The following MTUS2 variants were observed in gnomAD, a reference collection of about 807,000 sequenced individuals.
MTUS2 encodes microtubule associated scaffold protein 2.
A neutral mutation model predicts 114.1 loss-of-function variants in MTUS2; 40 were observed. The ratio of observed to expected loss-of-function variants is 0.35; its 90% confidence interval spans 0.27 to 0.46. The LOEUF (loss-of-function observed/expected upper bound fraction) is 0.46, where lower values mean the gene tolerates loss of function less well. Among genes scored for constraint, MTUS2 ranks in the 20% least tolerant of loss-of-function variants. The pLI, the probability that MTUS2 is intolerant of heterozygous loss-of-function variation, is 1.00. For missense variants in MTUS2, 1,679 were observed against 1,705.4 expected, an observed-to-expected ratio of 0.98 and a Z score of 0.27; for synonymous variants, 688 against 672.0, an observed-to-expected ratio of 1.02 and a Z score of -0.37.
chr13:29,165,282 C>A (rs1271278592), intron 5 of MTUS2, among the ~76,000 whole-genome samples: 1 of 152,200 alleles, frequency 6.6e-6, no homozygotes, highest in East Asian at 1.9e-4. Context: ...CTAAAGCAAC[C>A]CATCTTCAAG....
intron 4 of MTUS2, among the ~76,000 whole-genome samples, chr13:29,084,784 C>CCT (rs1555234175): frequency 9.1e-6 from 1 of 110,346 alleles, no homozygotes; most frequent in Non-Finnish European, 1.9e-5. Context: ...GTGATCCACC[C>CCT]CCCCCCCTCA....
rs1257171889 is a variant in MTUS2, at chr13:29,026,052, G to A, written c.1354G>A (p.Val452Ile). 1 of 1,614,024 alleles carries A rather than the reference G, an allele frequency of 6.2e-7. No individual in the cohort carries two copies. The change falls in exon 3 of 16, where the codon GTC (valine) becomes ATC (isoleucine). Residue 452 changes from valine to isoleucine, a missense_variant. Physicochemically the swap from Val to Ile is conservative, Grantham distance 29. Transcript: ENST00000612955. ...NNLTDSKPLDVIEEERRLGSG... is the reference protein window; with the variant it reads ...NNLTDSKPLDIIEEERRLGSG... ...TCTGACTGACAGCAAGCCCTTGGATGTCATTGAGGAGGAAAGGCGGTTGGG... is the reference window on the plus strand; with the variant it reads ...TCTGACTGACAGCAAGCCCTTGGATATCATTGAGGAGGAAAGGCGGTTGGG...
At chr13:28,829,833 A>G (rs762829262) in intron 1 of MTUS2, among the ~76,000 whole-genome samples, 3 of 152,244 alleles carry the variant, frequency 2.0e-5, no homozygotes, top group Non-Finnish European at 4.4e-5. Flanking sequence ...TGGGGGCTTT[A>G]AAAACCTTTG....
At chr13:28,939,167 T>G (rs1347307576) in intron 2 of MTUS2, among the ~76,000 whole-genome samples, 1 of 152,218 alleles carries the variant, frequency 6.6e-6, no homozygotes, top group Admixed American at 6.5e-5. Context: ...TTAAGCTCAG[T>G]TTTCTCTTTT....
At chr13:28,915,641 GATT>G (rs1880703874) in intron 2 of MTUS2, among the ~76,000 whole-genome samples, 1 of 151,846 alleles carries the variant, frequency 6.6e-6, no homozygotes, top group Admixed American at 6.6e-5. Context: ...TTTAAAATCA[GATT>G]ATTAGATTTT....
intron 2 of MTUS2, among the ~76,000 whole-genome samples, chr13:28,863,716 G>A (rs1212845083): frequency 6.6e-6 from 1 of 152,054 alleles, no homozygotes; most frequent in Non-Finnish European, 1.5e-5. Context: ...AATGTTTTTA[G>A]AGATAGGATC....
At chr13:29,441,408 G>T (rs1877857651) in intron 9 of MTUS2, among the ~76,000 whole-genome samples, 1 of 152,182 alleles carries the variant, frequency 6.6e-6, no homozygotes, top group Admixed American at 6.5e-5. Context: ...TGCCATTGTT[G>T]TTGTTTTTAT....
At chr13:28,998,331 C>G (rs1268047585) in intron 2 of MTUS2, among the ~76,000 whole-genome samples, 1 of 152,166 alleles carries the variant, frequency 6.6e-6, no homozygotes, top group Non-Finnish European at 1.5e-5. Context: ...ACATTTGTTC[C>G]TTCTTTTCAA....
At chr13:29,345,944 A>G (rs1428335988) in intron 7 of MTUS2, among the ~76,000 whole-genome samples, 2 of 151,954 alleles carry the variant, frequency 1.3e-5, no homozygotes, top group East Asian at 2.0e-4. Context: ...CTAGCCACCT[A>G]GCTGAGCTAC....
At chr13:29,296,373 TA>T (rs1034879498) in intron 6 of MTUS2, among the ~76,000 whole-genome samples, 11 of 151,946 alleles carry the variant, frequency 7.2e-5, no homozygotes, top group African/African-American at 1.4e-4. Flanking sequence ...CTTGGCCAAT[TA>T]AAAAAAATTT....
At chr13:29,052,966 TTC>T (rs1333056594) in intron 4 of MTUS2, among the ~76,000 whole-genome samples, 15 of 152,210 alleles carry the variant, frequency 9.9e-5, no homozygotes, top group Non-Finnish European at 1.6e-4. Context: ...TGGGCACTCA[TTC>T]TCTCTCCTGC....
At chr13:29,335,638 T>G (rs1901022599) in intron 7 of MTUS2, among the ~76,000 whole-genome samples, 1 of 152,166 alleles carries the variant, frequency 6.6e-6, no homozygotes, top group Non-Finnish European at 1.5e-5. Flanking sequence ...TTTCTCTTTT[T>G]GTACTCTTTC....
intron 4 of MTUS2, among the ~76,000 whole-genome samples, chr13:29,058,667 C>T (rs576241885): frequency 6.7e-5 from 10 of 148,758 alleles, no homozygotes; most frequent in African/African-American, 2.0e-4. Context: ...CACCCAGTAA[C>T]TCGTCATTTA....
At chr13:29,487,231 G>A (rs1034456158) in intron 10 of MTUS2, among the ~76,000 whole-genome samples, 4 of 152,166 alleles carry the variant, frequency 2.6e-5, no homozygotes, top group South Asian at 2.1e-4. Context: ...GAATCCTAAG[G>A]TGTTCGTTGC....
At chr13:29,226,289 T>C (rs1896104774) in intron 5 of MTUS2, among the ~76,000 whole-genome samples, 1 of 152,248 alleles carries the variant, frequency 6.6e-6, no homozygotes, top group Non-Finnish European at 1.5e-5. Context: ...CCAAATAATA[T>C]TTGACATGTA....
chr13:28,876,495 G>A (rs1391604944), intron 2 of MTUS2, among the ~76,000 whole-genome samples: 1 of 152,178 alleles, frequency 6.6e-6, no homozygotes, highest in African/African-American at 2.4e-5. Flanking sequence ...CCTAAAGATG[G>A]CTGCAGCAGT....
intron 10 of MTUS2, chr13:29,483,957 A>G (rs1441493257): frequency 6.6e-6 from 1 of 152,136 alleles, no homozygotes; most frequent in Non-Finnish European, 1.5e-5. Context: ...ATAGGCAGCC[A>G]CAGAGCCTGG....
At chr13:29,083,191 G>A (rs368778839) in intron 4 of MTUS2, among the ~76,000 whole-genome samples, 62 of 152,280 alleles carry the variant, frequency 4.1e-4, no homozygotes, top group South Asian at 1.9e-3. Context: ...GTGGCAAGAC[G>A]TTGTACTATG....
At chr13:29,140,951 A>G (rs1317580260) in intron 5 of MTUS2, among the ~76,000 whole-genome samples, 2 of 152,200 alleles carry the variant, frequency 1.3e-5, no homozygotes, top group African/African-American at 4.8e-5. Context: ...GATGTGCACT[A>G]GATATTAGGA....
Sources: gnomAD v4.1 joint callset for allele counts (sites outside exome capture counted in the v4.1 genomes callset) on GRCh38, gnomAD v4.1.1 for gene constraint, MANE v1.5 for transcripts, NCBI Gene and HGNC (gene_info 2026-07-23, HGNC 2026-07-21) for gene names.